Variants in LRMDA observed in about 807,000 individuals in gnomAD.
The protein encoded by LRMDA is leucine rich melanocyte differentiation associated.
A neutral mutation model predicts 29.8 loss-of-function variants in LRMDA; 18 were observed. The observed-to-expected ratio is 0.60, with a 90% CI of 0.42 to 0.90. LRMDA has a LOEUF of 0.90. Ranked by LOEUF, LRMDA falls within the 40% of genes least tolerant of loss-of-function variation. The probability of loss-of-function intolerance (pLI) is 0.00; values close to 1 mark genes in which losing one functional copy is unlikely to be tolerated. For synonymous variants in LRMDA, 125 were observed against 109.4 expected (o/e 1.14, Z -0.89); for missense variants, 273 against 273.9 (o/e 1.00, Z 0.02).
At chr10:75,773,251 C>A (rs1400979540) in intron 2 of LRMDA, among the ~76,000 whole-genome samples, 2 of 152,172 alleles carry the variant, frequency 1.3e-5, no homozygotes. Context: ...GTCAAAGTCA[C>A]CCCTGGTTGA....
intron 5 of LRMDA, among the ~76,000 whole-genome samples, chr10:76,226,946 C>T (rs951585127): frequency 6.6e-6 from 1 of 152,114 alleles, no homozygotes; most frequent in Non-Finnish European, 1.5e-5. Context: ...CAGATTTTAA[C>T]GTATACTGAT....
chr10:75,534,396 A>G (rs2132044984), intron 2 of LRMDA, among the ~76,000 whole-genome samples: 1 of 152,192 alleles, frequency 6.6e-6, no homozygotes, highest in Non-Finnish European at 1.5e-5. Context: ...AAATGCTACC[A>G]TTGAATTGGG....
At chr10:76,466,432 A>C (rs181143780) in intron 6 of LRMDA, among the ~76,000 whole-genome samples, 1 of 152,292 alleles carries the variant, frequency 6.6e-6, no homozygotes, top group East Asian at 1.9e-4. Flanking sequence ...AAAGAAGTGT[A>C]ATCTGCAGCC....
chr10:76,161,902 T>C (rs1850653879), intron 5 of LRMDA, among the ~76,000 whole-genome samples: 1 of 152,244 alleles, frequency 6.6e-6, no homozygotes, highest in African/African-American at 2.4e-5. Context: ...TGTTTTTAAA[T>C]AGTGGGTGAG....
intron 6 of LRMDA, among the ~76,000 whole-genome samples, chr10:76,512,863 AT>A (rs1328033227): frequency 1.3e-5 from 2 of 152,180 alleles, no homozygotes; most frequent in African/African-American, 2.4e-5. Flanking sequence ...GTGGTATTCC[AT>A]TTTTTTAAGC....
At chr10:76,483,571 C>T (rs1403065661) in intron 6 of LRMDA, among the ~76,000 whole-genome samples, 1 of 151,776 alleles carries the variant, frequency 6.6e-6, no homozygotes, top group Non-Finnish European at 1.5e-5. Flanking sequence ...TTGTTTCCTA[C>T]CTGGTTCTGG....
At chr10:75,894,172 C>T (rs893457979) in intron 2 of LRMDA, among the ~76,000 whole-genome samples, 9 of 152,114 alleles carry the variant, frequency 5.9e-5, no homozygotes, top group African/African-American at 1.4e-4. Context: ...TTTTATCCCT[C>T]GTCCCCCTCC....
At chr10:75,917,960 C>T (rs373174845) in intron 2 of LRMDA, among the ~76,000 whole-genome samples, 34 of 109,416 alleles carry the variant, frequency 3.1e-4, no homozygotes, top group South Asian at 2.6e-3. Flanking sequence ...TGCACATGTG[C>T]GCACACACAC....
chr10:75,500,348 A>G (rs1157369496), intron 2 of LRMDA, among the ~76,000 whole-genome samples: 2 of 152,242 alleles, frequency 1.3e-5, no homozygotes, highest in African/African-American at 4.8e-5. Context: ...TAATATTCTC[A>G]GAATTTTATC....
chr10:76,055,138 G>A (rs533793597), intron 4 of LRMDA, among the ~76,000 whole-genome samples: 16 of 150,440 alleles, frequency 1.1e-4, no homozygotes, highest in Non-Finnish European at 1.5e-4. Flanking sequence ...ATATTTGGGT[G>A]TTTTGTGGCA....
chr10:76,516,286 A>G (rs1176918147), intron 6 of LRMDA, among the ~76,000 whole-genome samples: 1 of 152,230 alleles, frequency 6.6e-6, no homozygotes, highest in Non-Finnish European at 1.5e-5. Flanking sequence ...ATTTGTATGA[A>G]ATGATTAAAC....
chr10:76,165,347 A>T (rs1850720755), intron 5 of LRMDA, among the ~76,000 whole-genome samples: 1 of 151,478 alleles, frequency 6.6e-6, no homozygotes, highest in African/African-American at 2.4e-5. Context: ...ATCTTGGCTT[A>T]CTGTAACCTC....
intron 5 of LRMDA, among the ~76,000 whole-genome samples, chr10:76,220,369 C>T: frequency 6.6e-6 from 1 of 151,956 alleles, no homozygotes; most frequent in Non-Finnish European, 1.5e-5. Flanking sequence ...TGATAGACCA[C>T]TAGCAAGACT....
chr10:76,233,100 T>C (rs552450649), intron 5 of LRMDA, among the ~76,000 whole-genome samples: 25 of 152,338 alleles, frequency 1.6e-4, no homozygotes, highest in Middle Eastern at 3.4e-3. Context: ...CAAACTGTAA[T>C]CAGCTTGGAG....
chr10:75,803,097 G>A (rs192774486), intron 2 of LRMDA, among the ~76,000 whole-genome samples: 9 of 151,634 alleles, frequency 5.9e-5, no homozygotes, highest in Admixed American at 2.0e-4. Context: ...GGCACTTGAC[G>A]TGCAGAGCCT....
At chr10:75,834,667 C>T (rs1300713014) in intron 2 of LRMDA, among the ~76,000 whole-genome samples, 1 of 152,190 alleles carries the variant, frequency 6.6e-6, no homozygotes, top group Non-Finnish European at 1.5e-5. Context: ...TTCCATGTAA[C>T]TGTAGGACAC....
chr10:76,165,161 T>C (rs1589359513), intron 5 of LRMDA, among the ~76,000 whole-genome samples: 1 of 151,914 alleles, frequency 6.6e-6, no homozygotes, highest in South Asian at 2.1e-4. Context: ...TAAGTAGAGA[T>C]GGGGTTTCAC....
At chr10:75,581,754 G>T (rs1178251068) in intron 2 of LRMDA, among the ~76,000 whole-genome samples, 3 of 151,800 alleles carry the variant, frequency 2.0e-5, no homozygotes, top group African/African-American at 7.3e-5. Flanking sequence ...TGGGCACAGG[G>T]AGGGGAACAT....
chr10:75,590,482 C>T (rs190273172), intron 2 of LRMDA, among the ~76,000 whole-genome samples: 41 of 152,156 alleles, frequency 2.7e-4, no homozygotes, highest in Admixed American at 7.2e-4. Flanking sequence ...CATCATCTGA[C>T]TCAACTGTGA....
Sources: gnomAD v4.1 joint callset for allele counts (sites outside exome capture counted in the v4.1 genomes callset) on GRCh38, gnomAD v4.1.1 for gene constraint, MANE v1.5 for transcripts, NCBI Gene and HGNC (gene_info 2026-07-23, HGNC 2026-07-21) for gene names.